NEK10: variants seen among roughly 807,000 people sequenced by gnomAD.
NEK10 encodes serine/threonine-protein kinase Nek10.
Under a neutral mutation model 159.8 loss-of-function variants are expected in NEK10, and 122 were observed. The ratio of observed to expected loss-of-function variants is 0.76; its 90% confidence interval spans 0.66 to 0.89. NEK10 has a LOEUF of 0.89. NEK10 is among the 40% of genes least tolerant of loss of function. The pLI is 0.00. For missense variants in NEK10, 1,342 were observed against 1,323.1 expected, an observed-to-expected ratio of 1.01 and a Z score of -0.22; for synonymous variants, 466 against 457.1, an observed-to-expected ratio of 1.02 and a Z score of -0.25.
At chr3:27,227,930 A>T (rs1447054370) in intron 23 of NEK10, among the ~76,000 whole-genome samples, 1 of 152,202 alleles carries the variant, frequency 6.6e-6, no homozygotes, top group Non-Finnish European at 1.5e-5. Context: ...AAAGCATCCA[A>T]GTTAAAGCAG....
chr3:27,284,725 A>G, intron 21 of NEK10, 21 bp from the exon 22 acceptor site: 1 of 1,572,300 alleles, frequency 6.4e-7, no homozygotes, highest in East Asian at 2.2e-5. Flanking sequence ...TGAATAGAAA[A>G]CAAATTTTAT....
intron 23 of NEK10, among the ~76,000 whole-genome samples, chr3:27,209,930 C>T (rs144540458): frequency 8.5e-5 from 13 of 152,150 alleles, no homozygotes; most frequent in South Asian, 2.1e-4. Flanking sequence ...ATGAAATAAA[C>T]AGCTAGGGTT....
chr3:27,361,446 T>C (rs192463760), intron 1 of NEK10, among the ~76,000 whole-genome samples: 21 of 152,284 alleles, frequency 1.4e-4, no homozygotes, highest in Admixed American at 5.2e-4. Flanking sequence ...TCAACAAAAA[T>C]AACTAAAGTA....
intron 32 of NEK10, among the ~76,000 whole-genome samples, chr3:27,128,055 C>T (rs1201307608): frequency 1.3e-5 from 2 of 152,128 alleles, no homozygotes; most frequent in Non-Finnish European, 2.9e-5. Context: ...AGAGCAGGGA[C>T]AGACAAACTT....
intron 15 of NEK10, among the ~76,000 whole-genome samples, chr3:27,294,055 A>G (rs2043177938): frequency 6.6e-6 from 1 of 152,232 alleles, no homozygotes; most frequent in African/African-American, 2.4e-5. Context: ...GTGAGAAAAT[A>G]AACACTAGAA....
chr3:27,113,435 C>CAAAAAAAAAAA (rs3034425), intron 35 of NEK10, among the ~76,000 whole-genome samples: 6 of 81,512 alleles, frequency 7.4e-5, no homozygotes, highest in East Asian at 3.9e-4. Context: ...GATTCCATCT[C>CAAAAAAAAAAA]AAAAAAAAAA....
chr3:27,192,767 T>C (rs937234585), intron 25 of NEK10, among the ~76,000 whole-genome samples: 4 of 152,166 alleles, frequency 2.6e-5, no homozygotes, highest in Non-Finnish European at 4.4e-5. Flanking sequence ...ATAAATTATA[T>C]AGCTACATAT....
chr3:27,364,451 G>A (rs1026767725), intron 1 of NEK10, among the ~76,000 whole-genome samples: 2 of 150,914 alleles, frequency 1.3e-5, no homozygotes, highest in Non-Finnish European at 3.0e-5. Flanking sequence ...TGGTCTCAAA[G>A]TCCTGACCTC....
At chr3:27,285,018 A>G in intron 20 of NEK10, 57 bp from the exon 21 acceptor site, 2 of 1,380,806 alleles carry the variant, frequency 1.4e-6, no homozygotes, top group Non-Finnish European at 2.0e-6. Flanking sequence ...GCATCTTGAA[A>G]AACTTTACGA....
intron 5 of NEK10, among the ~76,000 whole-genome samples, chr3:27,341,929 C>T (rs1345232533): frequency 6.6e-6 from 1 of 152,140 alleles, no homozygotes; most frequent in Non-Finnish European, 1.5e-5. Flanking sequence ...GTCTTATCTA[C>T]AACCATAATT....
At chr3:27,364,358 G>C (rs2048903790) in intron 1 of NEK10, among the ~76,000 whole-genome samples, 1 of 15,958 alleles carries the variant, frequency 6.3e-5, no homozygotes, top group Admixed American at 6.9e-4. Context: ...TTGTGTGTGT[G>C]TGTGTGTGTG....
rs1939495838 is a variant in NEK10 at position 27,111,312 on chromosome 3, G to A, written c.3308C>T (p.Ser1103Phe). 4 of 1,602,068 alleles carry A rather than the reference G, an allele frequency of 2.5e-6. No individual in the cohort carries two copies. The highest frequency in any genetic ancestry group is 2.2e-5 in the South Asian group (2 of 89,340). ...YYNFTSNRYH[S>F]YPWGTKNHPT... ...GTGATTCTTGGTCCCCCATGGATAG[G>A]AATGATACCTATAAGATTCAGAAGT... Residue 1103 changes from serine (S) to phenylalanine (F), a missense_variant, in exon 36 of 36, where the codon TCC becomes TTC. Transcript: ENST00000691995.
intron 23 of NEK10, among the ~76,000 whole-genome samples, chr3:27,231,855 T>C (rs2149212593): frequency 6.6e-6 from 1 of 151,584 alleles, no homozygotes; most frequent in African/African-American, 2.4e-5. Context: ...ATAAAAACAC[T>C]GCCAACAAAA....
chr3:27,287,143 A>AAG (rs2042677658), intron 20 of NEK10, among the ~76,000 whole-genome samples: 1 of 151,746 alleles, frequency 6.6e-6, no homozygotes, highest in East Asian at 1.9e-4. Context: ...ACTTAAAAAA[A>AAG]AAAAAAAAAA....
intron 3 of NEK10, among the ~76,000 whole-genome samples, chr3:27,349,401 G>A (rs1159689388): frequency 6.6e-6 from 1 of 151,812 alleles, no homozygotes; most frequent in Non-Finnish European, 1.5e-5. Flanking sequence ...GCTAAAATTG[G>A]CTTCCTATTC....
Position 27,290,765 on chromosome 3 carries a change from G to GA in NEK10, c.1606-12dup, listed in dbSNP as rs1166558154. ...ACTATGCTTTCTAACCTAAAATAAA[G>GA]AAAAACACAACAACAACAAAAGGAA... On this transcript the variant is annotated splice_polypyrimidine_tract_variant and intron_variant, in intron 18 of 35. Coordinates refer to ENST00000691995, the MANE Select transcript of NEK10 (RefSeq NM_001394966.1). 1 of 1,577,962 alleles carries GA rather than the reference G, an allele frequency of 6.3e-7. No homozygotes were observed. Among genetic ancestry groups the GA allele is most frequent in the African/African-American group, 1.4e-5 (1 of 72,460 alleles).
At chr3:27,310,926 TA>T in intron 9 of NEK10, 22 bp downstream of exon 9, 1 of 1,494,996 alleles carries the variant, frequency 6.7e-7, no homozygotes, top group Non-Finnish European at 9.3e-7. Context: ...GCTGAAGCAT[TA>T]ACTCTTTCAG....
At chr3:27,182,285 G>A (rs576475592) in intron 26 of NEK10, among the ~76,000 whole-genome samples, 6 of 152,164 alleles carry the variant, frequency 3.9e-5, no homozygotes, top group Middle Eastern at 3.4e-3. Context: ...AATTAACTCC[G>A]TTAAGCCATT....
intron 28 of NEK10, among the ~76,000 whole-genome samples, chr3:27,173,992 T>A (rs929740520): frequency 1.3e-5 from 2 of 152,168 alleles, no homozygotes; most frequent in Non-Finnish European, 2.9e-5. Context: ...TCTAAAAAAA[T>A]TTCTTTTATT....
Sources: allele counts gnomAD v4.1 joint callset (sites outside exome capture counted in the v4.1 genomes callset), GRCh38; gene constraint gnomAD v4.1.1; transcripts MANE v1.5; gene names NCBI Gene and HGNC (gene_info 2026-07-23, HGNC 2026-07-21).